Variants in FMO5 observed in about 807,000 individuals in gnomAD.
FMO5 encodes the protein flavin containing dimethylaniline monoxygenase 5, also known as flavin-containing monooxygenase 5.
A neutral mutation model predicts 43.6 loss-of-function variants in FMO5; 51 were observed. That is an observed-to-expected ratio of 1.17 (90% CI 0.93 to 1.48). The LOEUF (loss-of-function observed/expected upper bound fraction) is 1.48. Ranked by LOEUF, FMO5 falls within the 40% of genes most tolerant of loss-of-function variation. The pLI, the probability that FMO5 is intolerant of heterozygous loss-of-function variation, is 0.00. For missense variants in FMO5, 644 were observed against 643.0 expected (o/e 1.00, Z -0.02); for synonymous variants, 187 against 216.5 (o/e 0.86, Z 1.20).
intron 7 of FMO5, among the ~76,000 whole-genome samples, chr1:147,197,739 C>A (rs948984924): frequency 6.6e-6 from 1 of 152,178 alleles, no homozygotes; most frequent in Non-Finnish European, 1.5e-5. Context: ...AGAAACTACT[C>A]AGCCTCAGGC....
Position 147,186,552 on chromosome 1 carries a change from C to T in FMO5, c.*348G>A. ...GTAAGCGATTTTATACCGATGCTGA[C>T]TTACTCTCCCTACCATAAAATTTGA... On this transcript the variant is annotated 3_prime_UTR_variant, in exon 9 of 9. Transcript: ENST00000254090. The T allele has an allele frequency of 9.9e-7, 1 of 1,014,436 alleles. No homozygotes were observed. Among genetic ancestry groups the T allele is most frequent in the Non-Finnish European group, 1.2e-6 (1 of 849,364 alleles). 62.8% of individuals were successfully genotyped at this position (1,014,436 alleles called of 1,614,324 possible). A position where few individuals can be genotyped will look rare whatever the true frequency, so the allele number is the denominator to read the frequency against.
At chr1:147,190,715 G>A (rs1310375020) in intron 7 of FMO5, among the ~76,000 whole-genome samples, 1 of 151,868 alleles carries the variant, frequency 6.6e-6, no homozygotes, top group East Asian at 1.9e-4. Flanking sequence ...TAAGTTTTAG[G>A]GTACATGTGC....
At position 147,186,923 on chromosome 1, in the gene FMO5, CAAAG is replaced by C; in HGVS notation, c.1575_1578del (p.Phe525LeufsTer3). ...AACTAGAAGTAAGCTATAATTATAG[CAAAG>C]AAGGCAAGAGCTAGCATAAACTTGC... is the stretch of plus-strand genomic sequence containing the variant. On this transcript the variant is annotated frameshift_variant, in exon 9 of 9. Coordinates refer to ENST00000254090, the MANE Select transcript of FMO5 (RefSeq NM_001461.4). LOFTEE classifies it high-confidence loss of function. 1 of 1,613,724 alleles carries C rather than the reference CAAAG, an allele frequency of 6.2e-7. No individual in the cohort carries two copies. Among genetic ancestry groups the C allele is most frequent in the East Asian group, 2.2e-5 (1 of 44,884 alleles).
downstream of FMO5, chr1:147,184,466 C>G: frequency 6.9e-7 from 1 of 1,458,028 alleles, no homozygotes; most frequent in Non-Finnish European, 9.0e-7. This position sits in a 1 kb window ranked among gnomAD's most constrained non-coding sequence, Gnocchi z 4.4. Context: ...AGGAGTCCAT[C>G]CAGGATACTA....
At chr1:147,212,599 C>T in intron 4 of FMO5, 64 bp from the exon 5 acceptor site, 2 of 1,485,084 alleles carry the variant, frequency 1.3e-6, no homozygotes, top group Non-Finnish European at 1.8e-6. Flanking sequence ...TTTGTCAAGT[C>T]ATTTGTTTTT....
chr1:147,196,136 C>A (rs1294453968), intron 7 of FMO5, among the ~76,000 whole-genome samples: 1 of 152,120 alleles, frequency 6.6e-6, no homozygotes, highest in Non-Finnish European at 1.5e-5. Context: ...TTTTCACATT[C>A]TCTGCCATCT....
intron 6 of FMO5, among the ~76,000 whole-genome samples, chr1:147,208,284 C>G (rs1365710140): frequency 6.6e-6 from 1 of 151,900 alleles, no homozygotes; most frequent in African/African-American, 2.4e-5. Context: ...GGGTATCATG[C>G]AAAAAGAACT....
At chr1:147,214,385 A>G (rs1299225319) in intron 3 of FMO5, among the ~76,000 whole-genome samples, 1 of 151,292 alleles carries the variant, frequency 6.6e-6, no homozygotes, top group Non-Finnish European at 1.5e-5. Flanking sequence ...TGGGAGGTGG[A>G]GGTTGCAGTG....
At chr1:147,226,878 GC>G (rs1664018180), upstream of FMO5, among the ~76,000 whole-genome samples, 1 of 151,148 alleles carries the variant, frequency 6.6e-6, no homozygotes, top group Non-Finnish European at 1.5e-5. Context: ...TGGCACTTGG[GC>G]TGGAGTGCAG....
At chr1:147,195,356 C>T (rs1418070074) in intron 7 of FMO5, among the ~76,000 whole-genome samples, 2 of 152,172 alleles carry the variant, frequency 1.3e-5, no homozygotes, top group Admixed American at 6.5e-5. Context: ...TGGTCTCGAA[C>T]TCCTGACCTC....
intron 6 of FMO5, among the ~76,000 whole-genome samples, chr1:147,207,099 C>A (rs933741994): frequency 2.0e-5 from 3 of 151,592 alleles, no homozygotes; most frequent in Non-Finnish European, 4.4e-5. Context: ...TGTATTTTAT[C>A]AATGTTAAAT....
At chr1:147,225,373 A>C, upstream of FMO5, 1 of 230,116 alleles carries the variant, frequency 4.3e-6, no homozygotes, top group Non-Finnish European at 8.6e-6. Flanking sequence ...CTATAAACCA[A>C]CAACGGACAA....
At chr1:147,199,868 T>C (rs1658674918) in intron 7 of FMO5, among the ~76,000 whole-genome samples, 1 of 152,184 alleles carries the variant, frequency 6.6e-6, no homozygotes. Flanking sequence ...AGATTTTCAC[T>C]AGTGAAAACA....
At chr1:147,219,392 C>A (rs1490438487) in intron 2 of FMO5, among the ~76,000 whole-genome samples, 2 of 151,630 alleles carry the variant, frequency 1.3e-5, no homozygotes, top group East Asian at 1.9e-4. Flanking sequence ...GGATTGCTTT[C>A]TTTTTCTTTT....
chr1:147,219,984 G>A (rs587644074), intron 2 of FMO5, among the ~76,000 whole-genome samples: 22 of 151,952 alleles, frequency 1.4e-4, no homozygotes, highest in Admixed American at 5.2e-4. Context: ...GACTACAGGC[G>A]CATGCCACCC....
chr1:147,195,710 C>T (rs1553919652), intron 7 of FMO5, among the ~76,000 whole-genome samples: 9 of 152,088 alleles, frequency 5.9e-5, no homozygotes, highest in Non-Finnish European at 2.9e-5. Context: ...GGGACTATGC[C>T]ATGTAGAAGA....
At position 147,213,333 on chromosome 1, in the gene FMO5, A is replaced by C; in HGVS notation, c.462T>G (p.Ala154=). 1 of 1,611,210 alleles carries C rather than the reference A, an allele frequency of 6.2e-7. No homozygotes were observed. The highest frequency in any genetic ancestry group is 1.1e-5 in the South Asian group (1 of 90,496). Residue 154 remains alanine, a synonymous_variant, in exon 4 of 9, where the codon GCT becomes GCG. Coordinates refer to ENST00000254090, the MANE Select transcript of FMO5 (RefSeq NM_001461.4). The part of the protein sequence containing the change: ...VMVCTGHHTN[A]HLPLESFPGI... ...CAGGGAAGCTTTCCAGAGGTAGATG[A>C]GCATTGGTGTGATGGCCAGTGCAAA...
At chr1:147,219,575 G>T (rs1662631149) in intron 2 of FMO5, among the ~76,000 whole-genome samples, 2 of 152,104 alleles carry the variant, frequency 1.3e-5, no homozygotes, top group East Asian at 3.9e-4. Flanking sequence ...CTGGGAACAA[G>T]GTAAGGATGT....
At position 147,186,397 on chromosome 1, in the gene FMO5, T is replaced by C. The variant is rs1231775495; in HGVS notation, c.*503A>G. The C allele has an allele frequency of 1.1e-6, 1 of 895,132 alleles. No homozygotes were observed. The highest frequency in any genetic ancestry group is 1.8e-5 in the African/African-American group (1 of 55,380). The allele number at this position is 895,132 out of a possible 1,614,324, so 55.4% of individuals were successfully genotyped here. A position where few individuals can be genotyped will look rare whatever the true frequency, so the allele number is the denominator to read the frequency against. On this transcript the variant is annotated 3_prime_UTR_variant, in exon 9 of 9. Transcript: ENST00000254090. ...AAGCATCTATATGTCTTATCTTAGATACATACAACTATTGTAGGAACATTA... is the reference window on the plus strand; with the variant it reads ...AAGCATCTATATGTCTTATCTTAGACACATACAACTATTGTAGGAACATTA...
Sources: allele counts gnomAD v4.1 joint callset (sites outside exome capture counted in the v4.1 genomes callset), GRCh38; gene constraint gnomAD v4.1.1; non-coding constraint Gnocchi (gnomAD v3.1); transcripts MANE v1.5; gene names NCBI Gene and HGNC (gene_info 2026-07-23, HGNC 2026-07-21).